TMIGD3: variants seen among roughly 807,000 people sequenced by gnomAD.
TMIGD3 encodes transmembrane and immunoglobulin domain containing 3, also known as AD026 protein (AD026).
Under a neutral mutation model 28.1 loss-of-function variants are expected in TMIGD3, and 21 were observed. The ratio of observed to expected loss-of-function variants is 0.75; its 90% CI spans 0.53 to 1.08. The LOEUF is 1.08. Ranked by LOEUF, TMIGD3 falls within the 50% of genes least tolerant of loss-of-function variation. The pLI, the probability that TMIGD3 is intolerant of heterozygous loss-of-function variation, is 0.00. For missense variants in TMIGD3, 416 were observed against 435.6 expected, an observed-to-expected ratio of 0.96 and a Z score of 0.40; for synonymous variants, 151 against 162.1, an observed-to-expected ratio of 0.93 and a Z score of 0.52.
chr1:111,529,133 C>A (rs1656366052), intron 1 of TMIGD3, among the ~76,000 whole-genome samples: 1 of 150,838 alleles, frequency 6.6e-6, no homozygotes, highest in African/African-American at 2.4e-5. Flanking sequence ...ATTTGAAAAA[C>A]CATAAAGTTT....
Position 111,563,847 on chromosome 1 carries a change from G to A in TMIGD3, c.106C>T (p.Gln36Ter), listed in dbSNP as rs1657843263. The change falls in exon 1 of 6, where the codon CAA (glutamine) becomes TAA (stop). Residue 36 changes from glutamine (Q) to a stop codon, truncating the protein, a stop_gained and splice_region_variant. Coordinates refer to the TMIGD3 transcript ENST00000369717. LOFTEE classifies it high-confidence loss of function. ...GCTATATTTTCTGCTATGACTCACT[G>A]TGACTCAGGACTCAAGCAGCCCAGT... 1 of 1,612,054 alleles carries A rather than the reference G, an allele frequency of 6.2e-7. No homozygotes were observed. Among genetic ancestry groups the A allele is most frequent in the South Asian group, 1.1e-5 (1 of 91,076 alleles).
intron 1 of TMIGD3, among the ~76,000 whole-genome samples, chr1:111,558,395 C>T (rs1455313317): frequency 6.6e-6 from 1 of 151,844 alleles, no homozygotes; most frequent in African/African-American, 2.4e-5. Context: ...CCATGTTGCC[C>T]AAGCTGGTCT....
At chr1:111,552,374 A>T (rs973834361) in intron 1 of TMIGD3, among the ~76,000 whole-genome samples, 5 of 152,214 alleles carry the variant, frequency 3.3e-5, no homozygotes, top group African/African-American at 4.8e-5. Flanking sequence ...TGTCCCTCCT[A>T]TGAAGACTCA....
chr1:111,490,571 A>G (rs1654607555), intron 2 of TMIGD3, 85 bp downstream of exon 2: 2 of 962,976 alleles, frequency 2.1e-6, no homozygotes, highest in East Asian at 2.4e-5. Flanking sequence ...ATAAGCAAGG[A>G]CTCCAAGTAG....
chr1:111,499,232 C>T (rs572876039), intron 1 of TMIGD3, among the ~76,000 whole-genome samples: 4 of 152,336 alleles, frequency 2.6e-5, no homozygotes, highest in African/African-American at 9.6e-5. Context: ...GATTCTTTCT[C>T]TCACAATAGA....
intron 2 of TMIGD3, 169 bp downstream of exon 2, chr1:111,490,487 A>C: frequency 3.4e-6 from 2 of 593,928 alleles, no homozygotes; most frequent in Non-Finnish European, 6.0e-6. Flanking sequence ...AGCTAAGAAC[A>C]AGAACTAATA....
chr1:111,496,070 CAG>C (rs1263908456), intron 1 of TMIGD3, among the ~76,000 whole-genome samples: 1 of 152,118 alleles, frequency 6.6e-6, no homozygotes, highest in Admixed American at 6.6e-5. Context: ...GGCTTAGAAC[CAG>C]GGTGATGAAA....
chr1:111,546,071 T>G (rs1279691404), intron 1 of TMIGD3, among the ~76,000 whole-genome samples: 1 of 152,202 alleles, frequency 6.6e-6, no homozygotes, highest in Admixed American at 6.5e-5. Context: ...TTCAATTTTT[T>G]CTTTTTCAAA....
upstream of TMIGD3, chr1:111,503,655 C>G (rs576625999): frequency 8.8e-7 from 1 of 1,135,650 alleles, no homozygotes; most frequent in South Asian, 2.7e-5. Flanking sequence ...TGCTGCTGCT[C>G]TTAGTTCCCC....
intron 1 of TMIGD3, among the ~76,000 whole-genome samples, chr1:111,516,261 G>A (rs1017956823): frequency 3.9e-5 from 6 of 152,210 alleles, no homozygotes; most frequent in African/African-American, 7.2e-5. Flanking sequence ...AGGAAGTCAC[G>A]AAGATCAACT....
chr1:111,543,522 A>T (rs770332157), intron 1 of TMIGD3, among the ~76,000 whole-genome samples: 2 of 152,158 alleles, frequency 1.3e-5, no homozygotes, highest in Non-Finnish European at 2.9e-5. Context: ...ATGTTAACAC[A>T]ATCCTTTCTG....
Position 111,485,818 on chromosome 1 carries a change from T to G in TMIGD3, c.895A>C (p.Ile299Leu), listed in dbSNP as rs150860893. The G allele has an allele frequency of 1.2e-4, 187 of 1,609,624 alleles. No individual in the cohort carries two copies. The highest frequency in any genetic ancestry group is 1.5e-4 in the Non-Finnish European group (176 of 1,177,624). Residue 299 changes from isoleucine (I) to leucine (L), a missense_variant, in exon 5 of 6, where the codon ATA (isoleucine) becomes CTA (leucine). Physicochemically the swap from Ile to Leu is conservative, Grantham distance 5. Transcript: ENST00000369716. ...ATGATTCCCAAACCCGTGATCAGTATGCAAATGATGAGAATGGACGTCCTA... is the reference window on the plus strand; with the variant it reads ...ATGATTCCCAAACCCGTGATCAGTAGGCAAATGATGAGAATGGACGTCCTA... ...RSRTSILIIC[I>L]LITGLGIISV...
At chr1:111,510,347 C>T (rs1475589808) in intron 1 of TMIGD3, among the ~76,000 whole-genome samples, 1 of 152,188 alleles carries the variant, frequency 6.6e-6, no homozygotes, top group Non-Finnish European at 1.5e-5. Flanking sequence ...TATAAAAAAA[C>T]TGTACTATGA....
In TMIGD3 at chr1:111,503,487, G is replaced by T; in HGVS notation, c.-133C>A. 6.9e-7 allele frequency: 1 copy of T among 1,453,332 alleles called. No individual in the cohort carries two copies. Among genetic ancestry groups the T allele is most frequent in the Non-Finnish European group, 9.1e-7 (1 of 1,102,736 alleles). 90.0% of individuals were successfully genotyped at this position (1,453,332 alleles called of 1,614,324 possible). On this transcript the variant is annotated 5_prime_UTR_variant, in exon 1 of 6. Coordinates refer to ENST00000369716, the MANE Select transcript of TMIGD3 (RefSeq NM_020683.7). ...AGTGACAGTCTAAAATTCCCAACTT[G>T]CTCATTCCTACCCTTTTCTGGTGGG... is the stretch of plus-strand genomic sequence containing the variant.
chr1:111,504,182 G>A (rs185482249), upstream of TMIGD3: 3 of 961,466 alleles, frequency 3.1e-6, no homozygotes, highest in East Asian at 3.5e-4. Context: ...CAGCACCTCT[G>A]AGAAGCATCA....
intron 1 of TMIGD3, among the ~76,000 whole-genome samples, chr1:111,545,619 T>C (rs1657007941): frequency 6.6e-6 from 1 of 152,168 alleles, no homozygotes; most frequent in Non-Finnish European, 1.5e-5. Context: ...CTAAAGTTTT[T>C]AATTTTGATG....
intron 1 of TMIGD3, among the ~76,000 whole-genome samples, chr1:111,533,378 A>T (rs949521696): frequency 1.3e-5 from 2 of 152,260 alleles, no homozygotes; most frequent in Non-Finnish European, 2.9e-5. Context: ...ATTGTAAACA[A>T]GTAATAAAAT....
chr1:111,562,588 T>C (rs139382860), intron 1 of TMIGD3, among the ~76,000 whole-genome samples: 81 of 152,356 alleles, frequency 5.3e-4, no homozygotes, highest in Admixed American at 9.1e-4. Flanking sequence ...CATACTTGTG[T>C]CCCATAAACA....
intron 1 of TMIGD3, among the ~76,000 whole-genome samples, chr1:111,496,611 T>C (rs977493609): frequency 1.3e-5 from 2 of 152,258 alleles, no homozygotes; most frequent in African/African-American, 4.8e-5. Context: ...AAATACCTCA[T>C]GAAAGTTTCC....
Sources: gnomAD v4.1 joint callset for allele counts (sites outside exome capture counted in the v4.1 genomes callset) on GRCh38, gnomAD v4.1.1 for gene constraint, MANE v1.5 for transcripts, NCBI Gene and HGNC (gene_info 2026-07-23, HGNC 2026-07-21) for gene names.